Variants in CACNA1B observed in about 807,000 individuals in gnomAD.
The protein encoded by CACNA1B is calcium voltage-gated channel subunit alpha1 B.
CACNA1B carries 70 observed loss-of-function variants against 247.2 expected under a neutral mutation model. The ratio of observed to expected loss-of-function variants is 0.28; its 90% confidence interval spans 0.23 to 0.35. CACNA1B has a LOEUF of 0.35. Among genes scored for constraint, CACNA1B ranks in the 10% least tolerant of loss-of-function variants. The pLI is 1.00. For synonymous variants in CACNA1B, 1,231 were observed against 1,294.4 expected (o/e 0.95, Z 1.05); for missense variants, 2,367 against 3,197.4 (o/e 0.74, Z 6.26).
rs1958175908 is a variant in CACNA1B at position 137,973,141 on chromosome 9, G to T, written c.1543+1549G>T. 6.6e-6 allele frequency among the ~76,000 whole-genome samples: 1 copy of T among 152,234 alleles called. No individual in the cohort carries two copies. Among genetic ancestry groups the T allele is most frequent in the South Asian group, 2.1e-4 (1 of 4,828 alleles). On this transcript the variant is annotated intron_variant, in intron 11 of 46. Transcript: ENST00000371372. This position sits in a 1 kb window ranked among gnomAD's most constrained non-coding sequence, Gnocchi z 4.1. ...CACAGCCCAGTCGCGCATCTGCTGT[G>T]TGCGAGCACAGGGCTGGCAGTGTCC...
rs116213736 is a variant in CACNA1B at position 138,094,557 on chromosome 9, A to G, written c.5095-1927A>G. Among the ~76,000 whole-genome samples the G allele has an allele frequency of 7.4e-3, 1,128 of 152,230 alleles. 17 individuals carry two copies. The highest frequency in any genetic ancestry group is 0.026 in the African/African-American group (1,068 of 41,528). On this transcript the variant is annotated intron_variant, in intron 36 of 46. Transcript: ENST00000371372. ...TCTGTGAGGCCAGCATTGCCCTTATATCATGGTCAAATATGCCACAAGAAA... is the reference window on the plus strand; with the variant it reads ...TCTGTGAGGCCAGCATTGCCCTTATGTCATGGTCAAATATGCCACAAGAAA...
At chr9:138,092,073 G>T (rs1434672716) in intron 36 of CACNA1B, among the ~76,000 whole-genome samples, 2 of 152,200 alleles carry the variant, frequency 1.3e-5, no homozygotes, top group Non-Finnish European at 1.5e-5. Flanking sequence ...GATCACAAGG[G>T]CAGAGAGGCA....
intron 38 of CACNA1B, among the ~76,000 whole-genome samples, chr9:138,103,361 T>C (rs990035398): frequency 7.9e-5 from 12 of 152,042 alleles, no homozygotes; most frequent in Non-Finnish European, 1.2e-4. Flanking sequence ...CTAGGCTCCA[T>C]GGTGGGGAAG....
intron 11 of CACNA1B, among the ~76,000 whole-genome samples, chr9:137,972,329 T>C (rs1239073815): frequency 6.6e-6 from 1 of 152,208 alleles, no homozygotes; most frequent in Non-Finnish European, 1.5e-5. Context: ...TCAGCCCTCC[T>C]GACCCCAGGG....
At chr9:137,981,688 G>A (rs188743022) in intron 12 of CACNA1B, among the ~76,000 whole-genome samples, 30 of 152,120 alleles carry the variant, frequency 2.0e-4, no homozygotes, top group Non-Finnish European at 2.8e-4. Context: ...CATGTTGGTC[G>A]GGCTGGTCCC....
chr9:138,104,277 G>A (rs1259146131), intron 38 of CACNA1B, among the ~76,000 whole-genome samples: 1 of 152,244 alleles, frequency 6.6e-6, no homozygotes, highest in Non-Finnish European at 1.5e-5. Context: ...GGCCTGGAGT[G>A]GGCTGATGGC....
rs144640697 is a variant in CACNA1B at position 138,090,646 on chromosome 9, T to G, written c.5095-5838T>G. Among the ~76,000 whole-genome samples the G allele has an allele frequency of 1.1e-4, 15 of 137,460 alleles. No homozygotes were observed. In the East Asian group the frequency reaches 2.8e-3, roughly 26 times the overall value. 90.2% of individuals were successfully genotyped at this position (137,460 alleles called of 152,430 possible). A position where few individuals can be genotyped will look rare whatever the true frequency, so the allele number is the denominator to read the frequency against. ...AATCAGAGAAAATATTGCAAACTAT[T>G]TATCTGACAAGCTATTAATATCCAA... On this transcript the variant is annotated intron_variant, in intron 36 of 46. Transcript: ENST00000371372.
chr9:138,071,284 A>G (rs906065575), intron 32 of CACNA1B, among the ~76,000 whole-genome samples: 5 of 152,074 alleles, frequency 3.3e-5, no homozygotes, highest in African/African-American at 1.2e-4. Context: ...ACCTTTTCCA[A>G]CTCAGGTAGA....
At position 138,100,482 on chromosome 9, in the gene CACNA1B, T is replaced by C. The variant is rs187472844; in HGVS notation, c.5223-2229T>C. Among the ~76,000 whole-genome samples, 3 of 152,138 alleles carry C rather than the reference T, an allele frequency of 2.0e-5. No homozygotes were observed. In the East Asian group the frequency reaches 5.8e-4, roughly 30 times the overall value. The stretch of plus-strand genomic sequence containing the variant: ...GCTGCCACAACCTTAGCAAACATCT[T>C]TGGTGAGGCCGAGGTGGGGCTTCCT... On this transcript the variant is annotated intron_variant, in intron 37 of 46. Transcript: ENST00000371372. This position sits in a 1 kb window ranked among gnomAD's most constrained non-coding sequence, Gnocchi z 4.6.
intron 20 of CACNA1B, among the ~76,000 whole-genome samples, chr9:138,030,286 T>G (rs1231102555): frequency 1.3e-5 from 2 of 152,196 alleles, no homozygotes; most frequent in African/African-American, 2.4e-5. Context: ...TCATTGCTTT[T>G]TTTTTTAAAG....
intron 15 of CACNA1B, among the ~76,000 whole-genome samples, chr9:137,995,983 T>C (rs1399388010): frequency 6.6e-6 from 1 of 152,190 alleles, no homozygotes; most frequent in Non-Finnish European, 1.5e-5. Flanking sequence ...CCTGCAAGAA[T>C]GCCCATAATA....
chr9:138,117,520 G>T (rs180922384), intron 42 of CACNA1B, among the ~76,000 whole-genome samples: 1 of 152,198 alleles, frequency 6.6e-6, no homozygotes, highest in Non-Finnish European at 1.5e-5. Flanking sequence ...AATGCAGGCT[G>T]TACACATGCG....
intron 44 of CACNA1B, among the ~76,000 whole-genome samples, chr9:138,119,506 G>A (rs570044706): frequency 6.6e-6 from 1 of 152,178 alleles, no homozygotes; most frequent in Non-Finnish European, 1.5e-5. Flanking sequence ...CTGGGCTGTG[G>A]AGCTGTGGAT....
Position 137,877,850 on chromosome 9 carries a change from C to T in CACNA1B, c.-84C>T. 2 of 795,566 alleles carry T rather than the reference C, an allele frequency of 2.5e-6. No homozygotes were observed. Among genetic ancestry groups the T allele is most frequent in the Non-Finnish European group, 3.1e-6 (2 of 655,098 alleles). 49.3% of individuals were successfully genotyped at this position (795,566 alleles called of 1,614,324 possible). ...CGCTGCGGTCCCGGCGGCTCCGTGG[C>T]TGCTCCGCTCTGAGCGCCTGGCGCG... On this transcript the variant is annotated 5_prime_UTR_variant, in exon 1 of 47. Transcript: ENST00000371372.
chr9:137,911,683 T>C (rs1447088859), intron 3 of CACNA1B, among the ~76,000 whole-genome samples: 1 of 152,202 alleles, frequency 6.6e-6, no homozygotes, highest in African/African-American at 2.4e-5. Context: ...CCTCCCAAAG[T>C]ACTGGGATTA....
chr9:138,092,580 A>G (rs1432950463), intron 36 of CACNA1B, among the ~76,000 whole-genome samples: 2 of 152,216 alleles, frequency 1.3e-5, no homozygotes, highest in African/African-American at 2.4e-5. Context: ...ATTTGTACAG[A>G]TAACGCAATC....
chr9:138,043,931 C>T (rs1182248301), intron 21 of CACNA1B, 31 bp downstream of exon 21: 1 of 1,606,864 alleles, frequency 6.2e-7, no homozygotes, highest in Non-Finnish European at 8.5e-7. Flanking sequence ...GTGTGTGTGG[C>T]CGCCCACTCA....
rs1957968038 is a variant in CACNA1B, at chr9:137,957,838, T to C, written c.1333+151T>C. Among the ~76,000 whole-genome samples, 1 of 152,176 alleles carries C rather than the reference T, an allele frequency of 6.6e-6. No individual in the cohort carries two copies. Among genetic ancestry groups the C allele is most frequent in the Admixed American group, 6.5e-5 (1 of 15,274 alleles). The stretch of plus-strand genomic sequence containing the variant: ...TCAGACAGTTTGCTGCTCCTGGCTT[T>C]GTGACCCCCATGTGGACATAGGGCC... On this transcript the variant is annotated intron_variant, in intron 10 of 46. Coordinates refer to ENST00000371372, the MANE Select transcript of CACNA1B (RefSeq NM_000718.4). The surrounding 1 kb of genome is among the most constrained non-coding windows in gnomAD (Gnocchi z 4.7).
chr9:138,043,976 A>G, intron 21 of CACNA1B, 76 bp downstream of exon 21: 5 of 1,527,606 alleles, frequency 3.3e-6, no homozygotes, highest in Non-Finnish European at 3.6e-6. Flanking sequence ...CTCAGTAGCC[A>G]GCGTGCACTG....
Sources: gnomAD v4.1 joint callset for allele counts (sites outside exome capture counted in the v4.1 genomes callset) on GRCh38, gnomAD v4.1.1 for gene constraint, Gnocchi (gnomAD v3.1) non-coding constraint, MANE v1.5 for transcripts, NCBI Gene and HGNC (gene_info 2026-07-23, HGNC 2026-07-21) for gene names.